Variants in LAMA1 observed in about 807,000 individuals in gnomAD.
LAMA1 encodes the protein laminin subunit alpha 1, also known as laminin subunit alpha-1.
LAMA1 carries 219 observed loss-of-function variants against 348.7 expected under a neutral mutation model. The ratio of observed to expected loss-of-function variants is 0.63; its 90% CI spans 0.56 to 0.70. LAMA1 has a LOEUF of 0.70. LAMA1 is among the 30% of genes least tolerant of loss of function. The probability of loss-of-function intolerance (pLI) is 0.00; values close to 1 mark genes in which losing one functional copy is unlikely to be tolerated. For missense variants in LAMA1, 3,744 were observed against 3,888.0 expected (o/e 0.96, Z 0.99); for synonymous variants, 1,487 against 1,491.0 (o/e 1.00, Z 0.06).
At chr18:7,051,876 C>CA (rs1373828329) in intron 3 of LAMA1, among the ~76,000 whole-genome samples, 1 of 152,072 alleles carries the variant, frequency 6.6e-6, no homozygotes, top group African/African-American at 2.4e-5. Flanking sequence ...CAGTTTCTTA[C>CA]AAAACTAAAC....
chr18:6,961,796 C>T, intron 52 of LAMA1, 37 bp from the exon 53 acceptor site: 2 of 1,612,718 alleles, frequency 1.2e-6, no homozygotes, highest in Non-Finnish European at 1.7e-6. Flanking sequence ...TGGTGAGTTC[C>T]TAGCTGCGGC....
intron 36 of LAMA1, 27 bp from the exon 37 acceptor site, chr18:6,986,374 T>G: frequency 6.2e-7 from 1 of 1,602,394 alleles, no homozygotes; most frequent in Non-Finnish European, 8.5e-7. Context: ...GTTCACATAG[T>G]AAGTAAATGA....
At chr18:6,960,070 T>C (rs1293076005) in intron 53 of LAMA1, 1 of 168,284 alleles carries the variant, frequency 5.9e-6, no homozygotes, top group Non-Finnish European at 1.3e-5. Flanking sequence ...CACACTTTGA[T>C]TTGAAGGTAA....
chr18:7,081,524 C>T (rs779716875), intron 1 of LAMA1, among the ~76,000 whole-genome samples: 1 of 152,116 alleles, frequency 6.6e-6, no homozygotes, highest in Non-Finnish European at 1.5e-5. Flanking sequence ...TTGATCTTTG[C>T]CTTTGTACTG....
chr18:7,015,903 T>C (rs1422830788), intron 21 of LAMA1, 45 bp from the exon 22 acceptor site: 3 of 1,611,296 alleles, frequency 1.9e-6, no homozygotes, highest in Middle Eastern at 1.6e-4. Flanking sequence ...GGTGATGTCA[T>C]TAAAGGGCTA....
chr18:7,111,052 G>A (rs1490816137), intron 1 of LAMA1, among the ~76,000 whole-genome samples: 1 of 152,174 alleles, frequency 6.6e-6, no homozygotes, highest in African/African-American at 2.4e-5. Context: ...AATGAGAAAA[G>A]ATGGCACTTT....
intron 61 of LAMA1, among the ~76,000 whole-genome samples, 166 bp from the exon 62 acceptor site, chr18:6,943,568 G>T (rs1407960202): frequency 6.6e-6 from 1 of 152,148 alleles, no homozygotes; most frequent in Non-Finnish European, 1.5e-5. Context: ...TCAGATGATG[G>T]CTGGGCATGG....
At chr18:7,109,879 G>C (rs908531385) in intron 1 of LAMA1, among the ~76,000 whole-genome samples, 8 of 152,206 alleles carry the variant, frequency 5.3e-5, no homozygotes, top group Admixed American at 2.0e-4. Context: ...TAGCATCACA[G>C]ACCCGATAAA....
intron 36 of LAMA1, among the ~76,000 whole-genome samples, chr18:6,988,104 A>C (rs1031407873): frequency 6.6e-6 from 1 of 152,086 alleles, no homozygotes; most frequent in African/African-American, 2.4e-5. Flanking sequence ...ACAGAGTGAG[A>C]CCGTGTCTCA....
At chr18:7,102,419 T>TAAA (rs145457031) in intron 1 of LAMA1, among the ~76,000 whole-genome samples, 1 of 149,598 alleles carries the variant, frequency 6.7e-6, no homozygotes, top group Admixed American at 6.7e-5. Context: ...AGAGTTCCCT[T>TAAA]AAAAAAAAGA....
chr18:7,038,976 T>C (rs367870283), intron 10 of LAMA1, 26 bp from the exon 11 acceptor site: 79 of 1,594,336 alleles, frequency 5.0e-5, no homozygotes, highest in Non-Finnish European at 5.9e-5. Flanking sequence ...AAAGATTAGC[T>C]TTTGAAACCA....
At chr18:6,947,429 G>T (rs2057527116) in intron 60 of LAMA1, 133 bp from the exon 61 acceptor site, 2 of 1,016,378 alleles carry the variant, frequency 2.0e-6, no homozygotes, top group Non-Finnish European at 3.0e-6. Flanking sequence ...CCCACCAGCA[G>T]GTCACTCCTG....
chr18:6,958,695 C>A (rs1384279312), intron 54 of LAMA1, 33 bp from the exon 55 acceptor site: 1 of 1,541,922 alleles, frequency 6.5e-7, no homozygotes, highest in East Asian at 2.2e-5. Context: ...AAATGAAAAG[C>A]TTTAAACATA....
chr18:7,071,523 G>A (rs1284460786), intron 3 of LAMA1, among the ~76,000 whole-genome samples: 2 of 152,080 alleles, frequency 1.3e-5, no homozygotes, highest in African/African-American at 4.8e-5. Flanking sequence ...TTCACTGAAA[G>A]CTCAAGTTAT....
rs375300405 is a variant in LAMA1, at chr18:7,051,059, T to C, written c.346-123A>G. ...GATAGTTGAACTTAGAATCAGACAG[T>C]AGAATGGTGGCTGCCATGAGGTGCG... On this transcript the variant is annotated intron_variant, in intron 3 of 62. Transcript: ENST00000389658. 369 of 1,301,518 alleles carry C rather than the reference T, an allele frequency of 2.8e-4. 3 individuals are homozygous for C. In the South Asian group the frequency reaches 4.5e-3, roughly 16 times the overall value. The allele number at this position is 1,301,518 out of a possible 1,614,324, so 80.6% of individuals were successfully genotyped here. A position where few individuals can be genotyped will look rare whatever the true frequency, so the allele number is the denominator to read the frequency against.
intron 16 of LAMA1, among the ~76,000 whole-genome samples, chr18:7,030,651 T>C (rs942779560): frequency 2.0e-5 from 3 of 152,222 alleles, no homozygotes; most frequent in Admixed American, 6.5e-5. Flanking sequence ...TTCCAAAACA[T>C]GTTTAAAGCT....
intron 1 of LAMA1, among the ~76,000 whole-genome samples, chr18:7,082,716 T>G (rs756535839): frequency 6.6e-6 from 1 of 152,240 alleles, no homozygotes; most frequent in Non-Finnish European, 1.5e-5. Flanking sequence ...AAATGACATT[T>G]TTTGGCTCTG....
intron 48 of LAMA1, among the ~76,000 whole-genome samples, chr18:6,967,888 T>G (rs574538307): frequency 6.6e-6 from 1 of 152,126 alleles, no homozygotes; most frequent in African/African-American, 2.4e-5. Flanking sequence ...GCTCTGCTAC[T>G]GGGTTCTCTC....
At chr18:7,073,549 G>A (rs1214144032) in intron 3 of LAMA1, among the ~76,000 whole-genome samples, 1 of 152,126 alleles carries the variant, frequency 6.6e-6, no homozygotes, top group Non-Finnish European at 1.5e-5. Context: ...TTAGCGTAAT[G>A]TTTCCAGGGT....
Sources: allele counts gnomAD v4.1 joint callset (sites outside exome capture counted in the v4.1 genomes callset), GRCh38; gene constraint gnomAD v4.1.1; transcripts MANE v1.5; gene names NCBI Gene and HGNC (gene_info 2026-07-23, HGNC 2026-07-21).